PHACTR3: variants seen among roughly 807,000 people sequenced by gnomAD.
PHACTR3 encodes the protein protein phosphatase 1, regulatory subunit 123.
In PHACTR3, 16 loss-of-function variants were observed where a neutral mutation model predicts 66.8. That is an observed-to-expected ratio of 0.24 (90% confidence interval 0.16 to 0.36). The LOEUF (loss-of-function observed/expected upper bound fraction) is 0.36. Among genes scored for constraint, PHACTR3 ranks in the 10% least tolerant of loss-of-function variants. PHACTR3 has a pLI of 1.00. For missense variants in PHACTR3, 647 were observed against 719.9 expected (o/e 0.90, Z 1.16); for synonymous variants, 323 against 292.1 (o/e 1.11, Z -1.08).
chr20:59,773,292 C>T lies in PHACTR3; in HGVS notation c.765C>T (p.Leu255=), dbSNP rs2040415505. Residue 255 remains leucine, a synonymous_variant, in exon 6 of 13, where the codon CTC becomes CTT. Transcript: ENST00000371015. ...TTKNVTGQAT[L]FQASSMKSAD... is the part of the protein sequence containing the mutation. The stretch of plus-strand genomic sequence containing the variant: ...CCCACACCCCAGGCCAAGCCACACT[C>T]TTCCAAGCCTCCAGCATGAAGAGTG... The T allele has an allele frequency of 1.2e-6, 2 of 1,613,832 alleles. No homozygotes were observed. The highest frequency in any genetic ancestry group is 1.7e-5 in the Admixed American group (1 of 59,988).
At chr20:59,614,056 C>T (rs540429966) in intron 1 of PHACTR3, among the ~76,000 whole-genome samples, 6 of 152,264 alleles carry the variant, frequency 3.9e-5, no homozygotes, top group African/African-American at 7.2e-5. Context: ...GCTGAGTAAC[C>T]GGCCCATGGT....
chr20:59,695,836 A>C (rs1461545728), intron 1 of PHACTR3, among the ~76,000 whole-genome samples: 1 of 151,906 alleles, frequency 6.6e-6, no homozygotes, highest in Non-Finnish European at 1.5e-5. Flanking sequence ...GGGTTCAAGC[A>C]ATTCTCCTGC....
At chr20:59,842,194 A>C (rs2059076595) in intron 11 of PHACTR3, among the ~76,000 whole-genome samples, 1 of 152,182 alleles carries the variant, frequency 6.6e-6, no homozygotes, top group South Asian at 2.1e-4. Flanking sequence ...CTTGTCTGTG[A>C]TCAAACACTT....
intron 1 of PHACTR3, among the ~76,000 whole-genome samples, chr20:59,581,284 C>T (rs925415740): frequency 2.0e-5 from 3 of 152,212 alleles, no homozygotes; most frequent in African/African-American, 4.8e-5. Flanking sequence ...CATGATGTCC[C>T]GGCAGCTCGA....
intron 1 of PHACTR3, among the ~76,000 whole-genome samples, chr20:59,727,655 G>T (rs2038615051): frequency 6.6e-6 from 1 of 152,128 alleles, no homozygotes; most frequent in Non-Finnish European, 1.5e-5. Flanking sequence ...TTTCTCACCT[G>T]TTAAATGAGG....
chr20:59,659,902 C>T (rs1205083430), intron 1 of PHACTR3, among the ~76,000 whole-genome samples: 1 of 152,142 alleles, frequency 6.6e-6, no homozygotes, highest in East Asian at 1.9e-4. Context: ...GTTTTCTAGT[C>T]CCACTGGAGT....
intron 8 of PHACTR3, among the ~76,000 whole-genome samples, chr20:59,806,694 CACTT>C (rs1163706576): frequency 6.6e-6 from 1 of 152,230 alleles, no homozygotes; most frequent in African/African-American, 2.4e-5. Context: ...AGTCACGTGT[CACTT>C]AATGACAGGA....
chr20:59,635,870 G>A (rs548241769), intron 1 of PHACTR3, among the ~76,000 whole-genome samples: 1 of 152,154 alleles, frequency 6.6e-6, no homozygotes, highest in African/African-American at 2.4e-5. Flanking sequence ...GCAGGTCTCC[G>A]GGCTGCACAC....
chr20:59,720,525 C>G (rs2038254240), intron 1 of PHACTR3, among the ~76,000 whole-genome samples: 1 of 152,222 alleles, frequency 6.6e-6, no homozygotes, highest in African/African-American at 2.4e-5. Context: ...CTGTGCTTGA[C>G]TCTACCCTCT....
At position 59,605,078 on chromosome 20, in the gene PHACTR3, A is replaced by C; in HGVS notation, c.64A>C (p.Ser22Arg). 7.0e-7 allele frequency: 1 copy of C among 1,419,364 alleles called. No individual in the cohort carries two copies. The highest frequency in any genetic ancestry group is 9.3e-7 in the Non-Finnish European group (1 of 1,080,620). The allele number at this position is 1,419,364 out of a possible 1,614,324, so 87.9% of individuals were successfully genotyped here. Reference protein sequence around the residue: ...VSRGRSQSDPSVLTDSSATSS... With the variant: ...VSRGRSQSDPRVLTDSSATSS... ...GCGGGGCCGCTCGCAGAGTGACCCC[A>C]GCGTCCTCACCGACTCCTCGGCCAC... The change falls in exon 1 of 13, where the codon AGC becomes CGC. Residue 22 changes from serine to arginine, a missense_variant. Physicochemically the swap from Ser to Arg is moderately radical, Grantham distance 110. Around this residue, in one of 2 missense-constraint regions of PHACTR3, gnomAD observed 577 missense variants for 571.1 expected, o/e 1.01. Coordinates refer to ENST00000371015, the MANE Select transcript of PHACTR3 (RefSeq NM_080672.5).
chr20:59,756,607 G>T lies in PHACTR3; in HGVS notation c.541+1243G>T, dbSNP rs370402173. On this transcript the variant is annotated intron_variant, in intron 4 of 12. Transcript: ENST00000371015. The stretch of plus-strand genomic sequence containing the variant: ...ACTTCTGGAGGGTCCCAGCTCTCAC[G>T]CAGAGGCCCCCTCCACACACACAGG... Among the ~76,000 whole-genome samples, 6 of 152,152 alleles carry T rather than the reference G, an allele frequency of 3.9e-5. No homozygotes were observed. In the East Asian group the frequency reaches 9.7e-4, roughly 25 times the overall value.
intron 1 of PHACTR3, among the ~76,000 whole-genome samples, chr20:59,682,873 G>T (rs1439036587): frequency 1.3e-5 from 2 of 152,182 alleles, no homozygotes; most frequent in Non-Finnish European, 2.9e-5. Context: ...GGACATTGTA[G>T]GGAGGGGCCT....
At chr20:59,614,782 C>T (rs1039904946) in intron 1 of PHACTR3, among the ~76,000 whole-genome samples, 1 of 152,158 alleles carries the variant, frequency 6.6e-6, no homozygotes, top group African/African-American at 2.4e-5. Flanking sequence ...TTATTGTAAT[C>T]ACTAGCTCTG....
At chr20:59,624,263 A>T (rs182789877) in intron 1 of PHACTR3, among the ~76,000 whole-genome samples, 2 of 152,186 alleles carry the variant, frequency 1.3e-5, no homozygotes, top group East Asian at 3.9e-4. Context: ...TGCATCCTAC[A>T]GCCCCTGATC....
At chr20:59,828,092 G>A (rs1300894382) in intron 8 of PHACTR3, among the ~76,000 whole-genome samples, 1 of 152,222 alleles carries the variant, frequency 6.6e-6, no homozygotes. Flanking sequence ...GGACACTCAT[G>A]AGAGTCCGAA....
chr20:59,819,811 C>T (rs531438169), intron 8 of PHACTR3, among the ~76,000 whole-genome samples: 41 of 152,174 alleles, frequency 2.7e-4, no homozygotes, highest in African/African-American at 9.4e-4. Flanking sequence ...GGTGCTGTCC[C>T]GGTACTGGCC....
rs908974147 is a variant in PHACTR3, at chr20:59,820,832, G to A, written c.1328+14638G>A. Among the ~76,000 whole-genome samples, 8 of 152,232 alleles carry A rather than the reference G, an allele frequency of 5.3e-5. No homozygotes were observed. Among genetic ancestry groups the A allele is most frequent in the Non-Finnish European group, 8.8e-5 (6 of 68,034 alleles). On this transcript the variant is annotated intron_variant, in intron 8 of 12. Coordinates refer to ENST00000371015, the MANE Select transcript of PHACTR3 (RefSeq NM_080672.5). This position sits in a 1 kb window ranked among gnomAD's most constrained non-coding sequence, Gnocchi z 4.6. ...ATGATTCCCAAACCAGGGAGCAGGT[G>A]GTTTGGTGGACTTGGAGGCTGCCTG...
In PHACTR3 at chr20:59,604,806, C is replaced by T. The variant is rs2033598182; in HGVS notation, c.-209C>T. 3 of 1,208,930 alleles carry T rather than the reference C, an allele frequency of 2.5e-6. No individual in the cohort carries two copies. The highest frequency in any genetic ancestry group is 2.1e-6 in the Non-Finnish European group (2 of 975,156). 74.9% of individuals were successfully genotyped at this position (1,208,930 alleles called of 1,614,324 possible). A position where few individuals can be genotyped will look rare whatever the true frequency, so the allele number is the denominator to read the frequency against. On this transcript the variant is annotated 5_prime_UTR_variant, in exon 1 of 13. Coordinates refer to ENST00000371015, the MANE Select transcript of PHACTR3 (RefSeq NM_080672.5). ...ACGCCGGGATGCGCCTGGCTGCAGC[C>T]GGCGAGGCTATTGTCTCCCCGCCCT...
intron 1 of PHACTR3, among the ~76,000 whole-genome samples, chr20:59,578,437 G>A (rs2032777522): frequency 6.6e-6 from 1 of 152,204 alleles, no homozygotes; most frequent in Non-Finnish European, 1.5e-5. Context: ...TGTTCCAGGG[G>A]CCCCACCCAG....
Sources: allele counts gnomAD v4.1 joint callset (sites outside exome capture counted in the v4.1 genomes callset), GRCh38; gene constraint gnomAD v4.1.1; regional missense constraint gnomAD v4.1.1; non-coding constraint Gnocchi (gnomAD v3.1); transcripts MANE v1.5; gene names NCBI Gene and HGNC (gene_info 2026-07-23, HGNC 2026-07-21).